Variants in FNTB observed in about 807,000 individuals in gnomAD.
The protein encoded by FNTB is protein farnesyltransferase subunit beta.
FNTB carries 27 observed loss-of-function variants against 59.4 expected under a neutral mutation model. That is an observed-to-expected ratio of 0.45 (90% confidence interval 0.34 to 0.63). FNTB has a LOEUF of 0.63. Among genes scored for constraint, FNTB ranks in the 20% least tolerant of loss-of-function variants. FNTB has a pLI of 0.02. For synonymous variants in FNTB, 230 were observed against 220.7 expected (o/e 1.04, Z -0.37); for missense variants, 449 against 559.6 (o/e 0.80, Z 1.99).
intron 10 of FNTB, 26 bp downstream of exon 10, chr14:65,053,375 AAGGGAGAGGGG>A: frequency 7.1e-7 from 1 of 1,399,878 alleles, no homozygotes; most frequent in Non-Finnish European, 9.4e-7. Flanking sequence ...CTGGGGAGGG[AAGGGAGAGGGG>A]AGGAGAGAGC....
chr14:65,005,455 TTC>T (rs1337215741), intron 2 of FNTB, among the ~76,000 whole-genome samples: 1 of 90,600 alleles, frequency 1.1e-5, no homozygotes, highest in Non-Finnish European at 2.2e-5. Flanking sequence ...TTTCTTTTCT[TTC>T]TTTCTTTCTT....
At position 65,024,574 on chromosome 14, in the gene FNTB, G is replaced by T. The variant is rs79191167; in HGVS notation, c.375-2879G>T. On this transcript the variant is annotated intron_variant, in intron 4 of 11. Transcript: ENST00000246166. ...TTCCCACTTTGCTGGTAATTGGCACGTAAGCTAGAATGAAATGCCTTGCTG... is the reference window on the plus strand; with the variant it reads ...TTCCCACTTTGCTGGTAATTGGCACTTAAGCTAGAATGAAATGCCTTGCTG... Among the ~76,000 whole-genome samples, 4 of 152,182 alleles carry T rather than the reference G, an allele frequency of 2.6e-5. No individual in the cohort carries two copies. The South Asian group carries it at 6.2e-4, about 24-fold the overall frequency.
Position 65,031,978 on chromosome 14 carries a change from A to ATG in FNTB, c.606-632_606-631insTG, listed in dbSNP as rs2062093881. 9.0e-6 allele frequency among the ~76,000 whole-genome samples: 1 copy of ATG among 111,552 alleles called. No individual in the cohort carries two copies. 73.2% of individuals were successfully genotyped at this position (111,552 alleles called of 152,430 possible). On this transcript the variant is annotated intron_variant, in intron 6 of 11. Transcript: ENST00000246166. The surrounding 1 kb of genome is among the most constrained non-coding windows in gnomAD (Gnocchi z 4.6). ...TATAGACGTGCGCCTTTTTCATTTAACGTGTGTGTGTGTGTGTGTGTGTGT... is the reference window on the plus strand; with the variant it reads ...TATAGACGTGCGCCTTTTTCATTTAATGCGTGTGTGTGTGTGTGTGTGTGTGT...
chr14:65,020,772 G>A (rs999161733), intron 4 of FNTB, among the ~76,000 whole-genome samples: 15 of 94,882 alleles, frequency 1.6e-4, no homozygotes, highest in Non-Finnish European at 2.6e-4. Flanking sequence ...TGCTCTTGTT[G>A]CCAGGCTGTA....
In FNTB at chr14:65,009,728, A is replaced by C. The variant is rs1299543032; in HGVS notation, c.210-2589A>C. On this transcript the variant is annotated intron_variant, in intron 2 of 11. Transcript: ENST00000246166. This position sits in a 1 kb window ranked among gnomAD's most constrained non-coding sequence, Gnocchi z 4.2. Reference sequence around the variant, plus strand: ...CTTTTGATCCAGCTGAACTAAACTAACTCAAATGTGTCATGGTGTTTTCTT... The same window carrying C: ...CTTTTGATCCAGCTGAACTAAACTACCTCAAATGTGTCATGGTGTTTTCTT... Among the ~76,000 whole-genome samples, 1 of 151,848 alleles carries C rather than the reference A, an allele frequency of 6.6e-6. No homozygotes were observed. Among genetic ancestry groups the C allele is most frequent in the Non-Finnish European group, 1.5e-5 (1 of 67,970 alleles).
chr14:65,033,471 T>G (rs1281529593), intron 7 of FNTB, among the ~76,000 whole-genome samples: 1 of 152,148 alleles, frequency 6.6e-6, no homozygotes, highest in African/African-American at 2.4e-5. Flanking sequence ...AGACCTGAAG[T>G]GTATATGGCT....
rs757073842 is a variant in FNTB, at chr14:65,027,412, T to C, written c.375-41T>C. The C allele has an allele frequency of 6.2e-6, 10 of 1,608,946 alleles. No individual in the cohort carries two copies. The highest frequency in any genetic ancestry group is 1.7e-5 in the Admixed American group (1 of 59,500). On this transcript the variant is annotated intron_variant, in intron 4 of 11. Transcript: ENST00000246166. The surrounding 1 kb of genome is among the most constrained non-coding windows in gnomAD (Gnocchi z 5.7). ...TGGGAATTTGGTGTTTTGACATGAA[T>C]GCTCTCTGACTTTGTTTTTGCCCTT... is the stretch of plus-strand genomic sequence containing the variant.
chr14:65,044,512 C>T lies in FNTB; in HGVS notation c.955+69C>T, dbSNP rs1276193966. ...CCACTACTCACAAAGTCTGGAAGCC[C>T]AGCGTGCTTTTTTAGAGGGGTTGAA... On this transcript the variant is annotated intron_variant, in intron 9 of 11. Transcript: ENST00000246166. The surrounding 1 kb of genome is among the most constrained non-coding windows in gnomAD (Gnocchi z 5.5). 3 of 1,550,918 alleles carry T rather than the reference C, an allele frequency of 1.9e-6. No homozygotes were observed. The highest frequency in any genetic ancestry group is 2.5e-5 in the South Asian group (2 of 80,930).
In FNTB at chr14:64,997,545, C is replaced by CTGT. The variant is rs1227021545; in HGVS notation, c.145-6703_145-6701dup. ...GTTAAAGTCATTCTTTATTGCAAGG[C>CTGT]TGTGGTCTTAGTGAATTGATTGTGT... On this transcript the variant is annotated intron_variant, in intron 1 of 11. Coordinates refer to ENST00000246166, the MANE Select transcript of FNTB (RefSeq NM_002028.4). The surrounding 1 kb of genome is among the most constrained non-coding windows in gnomAD (Gnocchi z 4.5). 6.6e-6 allele frequency among the ~76,000 whole-genome samples: 1 copy of CTGT among 152,206 alleles called. No homozygotes were observed. The highest frequency in any genetic ancestry group is 2.4e-5 in the African/African-American group (1 of 41,440).
intron 2 of FNTB, among the ~76,000 whole-genome samples, chr14:65,005,495 TTC>T (rs1029926949): frequency 8.1e-5 from 11 of 136,638 alleles, no homozygotes; most frequent in African/African-American, 2.8e-4. Flanking sequence ...CTTTCTTTCT[TTC>T]TTTCTTTCTT....
intron 8 of FNTB, among the ~76,000 whole-genome samples, chr14:65,041,797 T>A (rs540407631): frequency 5.9e-5 from 9 of 152,298 alleles, no homozygotes; most frequent in African/African-American, 1.9e-4. Flanking sequence ...CTTTGTATGC[T>A]GAACTTAAGA....
At position 65,004,204 on chromosome 14, in the gene FNTB, C is replaced by T. The variant is rs771638373; in HGVS notation, c.145-45C>T. On this transcript the variant is annotated intron_variant, in intron 1 of 11. Transcript: ENST00000246166. ...AGGAAGAAAAAGCTGATGGAGGTCT[C>T]ATCTGTATTTGTTTTCTCTCTCCTA... 5.0e-6 allele frequency: 8 copies of T among 1,600,288 alleles called. No homozygotes were observed. The Admixed American group carries it at 8.6e-5, about 17-fold the overall frequency.
Position 64,987,155 on chromosome 14 carries a change from C to G in FNTB, c.144+58C>G, listed in dbSNP as rs886098364. The G allele has an allele frequency of 1.1e-5, 18 of 1,598,212 alleles. No individual in the cohort carries two copies. In the African/African-American group the frequency reaches 1.2e-4, roughly 11 times the overall value. On this transcript the variant is annotated intron_variant, in intron 1 of 11. Coordinates refer to ENST00000246166, the MANE Select transcript of FNTB (RefSeq NM_002028.4). ...CGATGTGTTCTGGGAGCGCGAGTCC[C>G]GTTCGTAGGGCCGCCCGGGTGCGGA...
rs960944858 is a variant in FNTB at position 65,054,476 on chromosome 14, G to C, written c.1068-99G>C. 4 of 1,192,288 alleles carry C rather than the reference G, an allele frequency of 3.4e-6. No individual in the cohort carries two copies. Among genetic ancestry groups the C allele is most frequent in the African/African-American group, 3.1e-5 (2 of 65,006 alleles). The allele number at this position is 1,192,288 out of a possible 1,614,324, so 73.9% of individuals were successfully genotyped here. Reference sequence around the variant, plus strand: ...TCTAGCCACATGGAGGATGGGGGGGGACGTGTGATTGCACCAGTGGTCTCT... The same window carrying C: ...TCTAGCCACATGGAGGATGGGGGGGCACGTGTGATTGCACCAGTGGTCTCT... On this transcript the variant is annotated intron_variant, in intron 10 of 11. Coordinates refer to ENST00000246166, the MANE Select transcript of FNTB (RefSeq NM_002028.4). The surrounding 1 kb of genome is among the most constrained non-coding windows in gnomAD (Gnocchi z 4.4).
chr14:65,000,940 T>C (rs1325760056), intron 1 of FNTB, among the ~76,000 whole-genome samples: 2 of 151,694 alleles, frequency 1.3e-5, no homozygotes, highest in African/African-American at 4.8e-5. Context: ...TTACATAAGG[T>C]ATACATTATT....
chr14:65,027,428 T>G lies in FNTB; in HGVS notation c.375-25T>G. On this transcript the variant is annotated intron_variant, in intron 4 of 11. Coordinates refer to ENST00000246166, the MANE Select transcript of FNTB (RefSeq NM_002028.4). This position sits in a 1 kb window ranked among gnomAD's most constrained non-coding sequence, Gnocchi z 5.7. ...TGACATGAATGCTCTCTGACTTTGTTTTTGCCCTTTGGCTGTGTACCTAGT... is the reference window on the plus strand; with the variant it reads ...TGACATGAATGCTCTCTGACTTTGTGTTTGCCCTTTGGCTGTGTACCTAGT... The G allele has an allele frequency of 1.2e-6, 2 of 1,612,920 alleles. No homozygotes were observed. The highest frequency in any genetic ancestry group is 1.7e-6 in the Non-Finnish European group (2 of 1,179,436).
intron 7 of FNTB, among the ~76,000 whole-genome samples, chr14:65,037,423 T>C (rs1238656255): frequency 1.8e-4 from 20 of 110,716 alleles, no homozygotes; most frequent in South Asian, 5.8e-4. Flanking sequence ...TTTTTTTTTT[T>C]TTTTTTTTTT....
chr14:65,060,675 G>A (rs1278085966), intron 11 of FNTB, among the ~76,000 whole-genome samples: 6 of 85,756 alleles, frequency 7.0e-5, no homozygotes, highest in East Asian at 7.6e-4. Context: ...CAGCCTGGGC[G>A]ACAGAGCGAG....
intron 7 of FNTB, among the ~76,000 whole-genome samples, chr14:65,037,488 G>T (rs1180497018): frequency 8.2e-6 from 1 of 121,908 alleles, no homozygotes; most frequent in Non-Finnish European, 1.6e-5. Context: ...AGATTGGAGT[G>T]CAGTGACACG....
Sources: gnomAD v4.1 joint callset for allele counts (sites outside exome capture counted in the v4.1 genomes callset) on GRCh38, gnomAD v4.1.1 for gene constraint, Gnocchi (gnomAD v3.1) non-coding constraint, MANE v1.5 for transcripts, NCBI Gene and HGNC (gene_info 2026-07-23, HGNC 2026-07-21) for gene names.